The following NEK10 variants were observed in gnomAD, a reference collection of about 807,000 sequenced individuals.
NEK10 encodes the protein serine/threonine-protein kinase Nek10.
In NEK10, 122 loss-of-function variants were observed where a neutral mutation model predicts 159.8. The observed-to-expected ratio is 0.76, with a 90% CI of 0.66 to 0.89. NEK10 has a LOEUF of 0.89. Ranked by LOEUF, NEK10 falls within the 40% of genes least tolerant of loss-of-function variation. NEK10 has a pLI of 0.00. For missense variants in NEK10, 1,342 were observed against 1,323.1 expected (o/e 1.01, Z -0.22); for synonymous variants, 466 against 457.1 (o/e 1.02, Z -0.25).
intron 22 of NEK10, among the ~76,000 whole-genome samples, chr3:27,282,690 A>G (rs2042290312): frequency 6.9e-6 from 1 of 144,032 alleles, no homozygotes; most frequent in South Asian, 2.1e-4. Flanking sequence ...TGTTATATAT[A>G]TACATAACTG....
chr3:27,323,438 A>T (rs2045792188), intron 5 of NEK10, among the ~76,000 whole-genome samples: 1 of 152,152 alleles, frequency 6.6e-6, no homozygotes. Context: ...AGGTGCCAAA[A>T]CCAAAAGGGT....
intron 22 of NEK10, among the ~76,000 whole-genome samples, chr3:27,258,485 C>T (rs954224791): frequency 2.0e-5 from 3 of 150,178 alleles, no homozygotes; most frequent in Non-Finnish European, 4.4e-5. Flanking sequence ...GTTTTTTGTT[C>T]TTGCGATAGT....
intron 3 of NEK10, among the ~76,000 whole-genome samples, chr3:27,346,869 A>G (rs1333034843): frequency 6.6e-6 from 1 of 152,244 alleles, no homozygotes; most frequent in Non-Finnish European, 1.5e-5. Flanking sequence ...TACCATAAGT[A>G]AAAATTTAAC....
At position 27,185,680 on chromosome 3, in the gene NEK10, T is replaced by A. The variant is rs148247980; in HGVS notation, c.2505+6349A>T. Among the ~76,000 whole-genome samples, 606 of 152,314 alleles carry A rather than the reference T, an allele frequency of 4.0e-3. 3 individuals are homozygous for A. Among genetic ancestry groups the A allele is most frequent in the African/African-American group, 9.9e-3 (411 of 41,574 alleles). Reference sequence around the variant, plus strand: ...TCTACTGCTCGTTCTGTTTCTCACATTTTGTGCAGGACTGTCAATGTATAT... The same window carrying A: ...TCTACTGCTCGTTCTGTTTCTCACAATTTGTGCAGGACTGTCAATGTATAT... On this transcript the variant is annotated intron_variant, in intron 26 of 35. Coordinates refer to ENST00000691995, the MANE Select transcript of NEK10 (RefSeq NM_001394966.1).
chr3:27,289,470 T>A (rs1004386842), intron 19 of NEK10, among the ~76,000 whole-genome samples: 1 of 152,232 alleles, frequency 6.6e-6, no homozygotes, highest in African/African-American at 2.4e-5. Flanking sequence ...ATATGCTTCC[T>A]ATCTGACCCT....
intron 23 of NEK10, among the ~76,000 whole-genome samples, chr3:27,241,032 A>G (rs1954503560): frequency 6.6e-6 from 1 of 152,142 alleles, no homozygotes; most frequent in African/African-American, 2.4e-5. Flanking sequence ...TACAGGGAGT[A>G]GCACCCCAGA....
chr3:27,267,274 G>A (rs1575522653), intron 22 of NEK10, among the ~76,000 whole-genome samples: 1 of 152,202 alleles, frequency 6.6e-6, no homozygotes, highest in East Asian at 1.9e-4. Context: ...TGAGGAGAGG[G>A]GCTGTCTTAA....
intron 31 of NEK10, among the ~76,000 whole-genome samples, chr3:27,136,723 A>C (rs1002558892): frequency 6.6e-6 from 1 of 152,204 alleles, no homozygotes; most frequent in Non-Finnish European, 1.5e-5. Flanking sequence ...AAAGCAAGGT[A>C]AGGATTTTAA....
chr3:27,194,782 G>T (rs1949424077), intron 25 of NEK10: 2 of 152,126 alleles, frequency 1.3e-5, no homozygotes, highest in African/African-American at 4.8e-5. Context: ...ATAAGGCAAT[G>T]ATTTTAATAG....
At chr3:27,304,673 A>G (rs2044096833) in intron 12 of NEK10, 74 bp downstream of exon 12, 1 of 922,584 alleles carries the variant, frequency 1.1e-6, no homozygotes, top group Non-Finnish European at 1.8e-6. Context: ...ACACACACCA[A>G]TCTGCCATCT....
chr3:27,167,229 AGTCCTTG>A (rs530155089), intron 29 of NEK10, among the ~76,000 whole-genome samples: 271 of 152,292 alleles, frequency 1.8e-3, no homozygotes, highest in African/African-American at 6.3e-3. Flanking sequence ...GCAAGATTTC[AGTCCTTG>A]GTAATGAGAT....
At chr3:27,163,920 T>C (rs895096623) in intron 29 of NEK10, among the ~76,000 whole-genome samples, 1 of 152,204 alleles carries the variant, frequency 6.6e-6, no homozygotes, top group Non-Finnish European at 1.5e-5. Flanking sequence ...ACCTAAGTTA[T>C]TAAGCGTAAC....
intron 3 of NEK10, among the ~76,000 whole-genome samples, chr3:27,348,832 C>G (rs568948683): frequency 1.1e-3 from 160 of 152,278 alleles, no homozygotes; most frequent in African/African-American, 3.8e-3. Flanking sequence ...TAGCACCTCT[C>G]ACAGAGCTGG....
chr3:27,322,463 G>GCC (rs372946690), intron 5 of NEK10, among the ~76,000 whole-genome samples: 12 of 151,348 alleles, frequency 7.9e-5, no homozygotes, highest in Non-Finnish European at 1.3e-4. Flanking sequence ...TGGAGGAGAG[G>GCC]CCCCCCCCAA....
chr3:27,321,930 A>G (rs2149660820), intron 6 of NEK10, among the ~76,000 whole-genome samples: 1 of 152,340 alleles, frequency 6.6e-6, no homozygotes, highest in South Asian at 2.1e-4. Context: ...GAAAACATAG[A>G]CCAAAAAGTT....
intron 5 of NEK10, among the ~76,000 whole-genome samples, chr3:27,339,704 G>C (rs62255654): frequency 3.3e-5 from 5 of 151,322 alleles, no homozygotes; most frequent in Admixed American, 2.6e-4. Context: ...GCTTGAACTC[G>C]GGAGGTAGAA....
intron 26 of NEK10, among the ~76,000 whole-genome samples, chr3:27,182,324 T>A (rs1948201238): frequency 6.6e-6 from 1 of 152,276 alleles, no homozygotes; most frequent in Non-Finnish European, 1.5e-5. Flanking sequence ...CAAAACATCA[T>A]GTTGTATACA....
rs1939466532 is a variant in NEK10 at position 27,111,065 on chromosome 3, G to A, written c.*207C>T. The stretch of plus-strand genomic sequence containing the variant: ...GTAGCTCTGACATCCTGTATATAAT[G>A]TGTTCTGGCAATGAAGCCCTCAAGT... On this transcript the variant is annotated 3_prime_UTR_variant, in exon 36 of 36. Coordinates refer to ENST00000691995, the MANE Select transcript of NEK10 (RefSeq NM_001394966.1). 7.4e-6 allele frequency: 3 copies of A among 405,782 alleles called. No homozygotes were observed. Among genetic ancestry groups the A allele is most frequent in the South Asian group, 1.6e-4 (2 of 12,500 alleles). 25.1% of individuals were successfully genotyped at this position (405,782 alleles called of 1,614,324 possible).
intron 10 of NEK10, 45 bp downstream of exon 10, chr3:27,308,881 G>T: frequency 2.3e-6 from 2 of 882,348 alleles, no homozygotes; most frequent in Non-Finnish European, 3.6e-6. Context: ...CACCTAAATT[G>T]CTATAGTAGC....
Sources: gnomAD v4.1 joint callset for allele counts (sites outside exome capture counted in the v4.1 genomes callset) on GRCh38, gnomAD v4.1.1 for gene constraint, MANE v1.5 for transcripts, NCBI Gene and HGNC (gene_info 2026-07-23, HGNC 2026-07-21) for gene names.